RBM47: variants seen among roughly 807,000 people sequenced by gnomAD.
The protein encoded by RBM47 is RNA binding motif protein 47, also known as RNA-binding protein 47.
RBM47 carries 21 observed loss-of-function variants against 47.1 expected under a neutral mutation model. The observed-to-expected ratio is 0.45, with a 90% CI of 0.32 to 0.64. The LOEUF (loss-of-function observed/expected upper bound fraction) is 0.64. Ranked by LOEUF, RBM47 falls within the 30% of genes least tolerant of loss-of-function variation. The pLI is 0.05. For synonymous variants in RBM47, 375 were observed against 361.7 expected, an observed-to-expected ratio of 1.04 and a Z score of -0.42; for missense variants, 708 against 870.9, an observed-to-expected ratio of 0.81 and a Z score of 2.35.
At chr4:40,520,635 G>A (rs964483034) in intron 2 of RBM47, among the ~76,000 whole-genome samples, 12 of 152,248 alleles carry the variant, frequency 7.9e-5, no homozygotes, top group Admixed American at 2.6e-4. Context: ...TAAATCTTCC[G>A]GAATCTTCCA....
intron 2 of RBM47, among the ~76,000 whole-genome samples, chr4:40,487,172 T>C (rs914480520): frequency 6.6e-6 from 1 of 152,128 alleles, no homozygotes; most frequent in African/African-American, 2.4e-5. Flanking sequence ...TTCATGGGGA[T>C]TGGCAGATGG....
intron 1 of RBM47, among the ~76,000 whole-genome samples, chr4:40,579,111 T>G (rs1432417476): frequency 9.1e-6 from 1 of 109,712 alleles, no homozygotes; most frequent in East Asian, 2.6e-4. Context: ...AGAGCGAGAC[T>G]CTATCTTAAA....
chr4:40,523,092 A>G (rs149598358), intron 2 of RBM47, among the ~76,000 whole-genome samples: 1,801 of 151,564 alleles, frequency 0.012, 32 homozygotes, highest in African/African-American at 0.035. Flanking sequence ...CAGCCTCCCA[A>G]GTAGCTGGGA....
chr4:40,560,841 CT>C (rs1730540569), intron 1 of RBM47, among the ~76,000 whole-genome samples: 1 of 152,116 alleles, frequency 6.6e-6, no homozygotes, highest in African/African-American at 2.4e-5. Flanking sequence ...TGGCAGGCGC[CT>C]GTAATCCCAG....
In RBM47 at chr4:40,439,997, G is replaced by A. The variant is rs561904794; in HGVS notation, c.-31-1073C>T. Among the ~76,000 whole-genome samples the A allele has an allele frequency of 3.9e-5, 6 of 152,330 alleles. No homozygotes were observed. The East Asian group carries it at 1.2e-3, about 29-fold the overall frequency. ...TTTTAAATTTTAATTAAACAGCCAC[G>A]TATCACAGTGCAGGTCTGAACTGTG... On this transcript the variant is annotated intron_variant, in intron 3 of 6. Transcript: ENST00000295971.
intron 3 of RBM47, among the ~76,000 whole-genome samples, chr4:40,451,172 C>T (rs1021453469): frequency 3.2e-5 from 4 of 125,490 alleles, no homozygotes; most frequent in Non-Finnish European, 4.7e-5. Flanking sequence ...CATGGCAAGG[C>T]GCAGTAGCTA....
chr4:40,533,169 T>C (rs779422642), intron 2 of RBM47, among the ~76,000 whole-genome samples: 4 of 152,106 alleles, frequency 2.6e-5, no homozygotes, highest in Non-Finnish European at 4.4e-5. Flanking sequence ...TGCAGTGGCT[T>C]ACACCTGCAA....
intron 3 of RBM47, among the ~76,000 whole-genome samples, chr4:40,451,263 GTC>G (rs1162539447): frequency 6.6e-6 from 1 of 150,900 alleles, no homozygotes; most frequent in Non-Finnish European, 1.5e-5. Flanking sequence ...TGAGGTAAGT[GTC>G]TCTGTGATAC....
At chr4:40,583,152 C>A (rs1289025328) in intron 1 of RBM47, among the ~76,000 whole-genome samples, 1 of 152,074 alleles carries the variant, frequency 6.6e-6, no homozygotes, top group East Asian at 1.9e-4. Flanking sequence ...GCCGGCCAAG[C>A]ACAGTGGCTC....
At position 40,448,682 on chromosome 4, in the gene RBM47, C is replaced by T. The variant is rs1407187890; in HGVS notation, c.-31-9758G>A. ...GCAAATCACCTTAGTTCCATTTCCA[C>T]ATCTCTAAGATGGTTCTAGTAACAG... On this transcript the variant is annotated intron_variant, in intron 3 of 6. Coordinates refer to ENST00000295971, the MANE Select transcript of RBM47 (RefSeq NM_001098634.2). Among the ~76,000 whole-genome samples the T allele has an allele frequency of 2.6e-5, 4 of 152,350 alleles. 1 individual carries two copies. The East Asian group carries it at 7.7e-4, about 29-fold the overall frequency.
In RBM47 at chr4:40,481,575, G is replaced by A. The variant is rs774297913; in HGVS notation, c.-154-14876C>T. Among the ~76,000 whole-genome samples, 133 of 145,572 alleles carry A rather than the reference G, an allele frequency of 9.1e-4. No homozygotes were observed. In the Middle Eastern group the frequency reaches 0.011, roughly 12 times the overall value. ...TGATGTGGCTTTTTTTTTTTTTGACGGAGTCTCGCTCTGTTGCCCAGGCTA... is the reference window on the plus strand; with the variant it reads ...TGATGTGGCTTTTTTTTTTTTTGACAGAGTCTCGCTCTGTTGCCCAGGCTA... On this transcript the variant is annotated intron_variant, in intron 2 of 6. Transcript: ENST00000295971.
Position 40,536,437 on chromosome 4 carries a change from G to C in RBM47, c.-155+7985C>G, listed in dbSNP as rs997970322. 5.9e-5 allele frequency among the ~76,000 whole-genome samples: 9 copies of C among 152,194 alleles called. No homozygotes were observed. The East Asian group carries it at 1.7e-3, about 29-fold the overall frequency. On this transcript the variant is annotated intron_variant, in intron 2 of 6. Transcript: ENST00000295971. ...ACGCTGACATTAGCTACCAATTTCG[G>C]CTTCATAACCTTGGAGTATTCTCTT...
chr4:40,429,857 GGAT>G (rs1486116162), intron 6 of RBM47, among the ~76,000 whole-genome samples: 4 of 152,004 alleles, frequency 2.6e-5, no homozygotes, highest in Admixed American at 6.6e-5. Context: ...AGGTAGGGGA[GGAT>G]GATCGAAGGT....
At chr4:40,591,764 T>G (rs1734159584) in intron 1 of RBM47, among the ~76,000 whole-genome samples, 2 of 151,984 alleles carry the variant, frequency 1.3e-5, no homozygotes, top group Admixed American at 6.6e-5. Context: ...GAGTAATAGG[T>G]TCTACCTGAG....
At chr4:40,581,949 T>C (rs1362171126) in intron 1 of RBM47, among the ~76,000 whole-genome samples, 1 of 151,924 alleles carries the variant, frequency 6.6e-6, no homozygotes, top group Non-Finnish European at 1.5e-5. Context: ...CCGAACCCGC[T>C]TCCCCTCCTC....
chr4:40,528,632 G>A (rs1392734206), intron 2 of RBM47, among the ~76,000 whole-genome samples: 2 of 151,356 alleles, frequency 1.3e-5, no homozygotes, highest in Non-Finnish European at 2.9e-5. Context: ...AGGCATGGTG[G>A]CATGCACCTG....
intron 2 of RBM47, among the ~76,000 whole-genome samples, chr4:40,477,110 G>C (rs1034463276): frequency 6.6e-6 from 1 of 152,180 alleles, no homozygotes; most frequent in East Asian, 1.9e-4. Flanking sequence ...TAGAACCTGG[G>C]AGGCGGAGGT....
At position 40,581,403 on chromosome 4, in the gene RBM47, A is replaced by G. The variant is rs1732908830; in HGVS notation, c.-239-36897T>C. Among the ~76,000 whole-genome samples, 3 of 151,072 alleles carry G rather than the reference A, an allele frequency of 2.0e-5. No homozygotes were observed. The South Asian group carries it at 6.2e-4, about 31-fold the overall frequency. ...CACCACTGCTTCCAGCCTGGGTGAC[A>G]GAGCGAGAACTTGTCTCAAAAAAAA... On this transcript the variant is annotated intron_variant, in intron 1 of 6. Transcript: ENST00000295971.
chr4:40,580,427 G>C (rs537837772), intron 1 of RBM47, among the ~76,000 whole-genome samples: 5 of 151,778 alleles, frequency 3.3e-5, no homozygotes, highest in Non-Finnish European at 7.4e-5. Context: ...CCTTGAATCA[G>C]TTCTCAGATC....
Sources: gnomAD v4.1 joint callset for allele counts (sites outside exome capture counted in the v4.1 genomes callset) on GRCh38, gnomAD v4.1.1 for gene constraint, MANE v1.5 for transcripts, NCBI Gene and HGNC (gene_info 2026-07-23, HGNC 2026-07-21) for gene names.